The following PGK1 variants were observed in gnomAD, a reference collection of about 807,000 sequenced individuals.
The protein encoded by PGK1 is phosphoglycerate kinase 1, also known as PRP 2.
In PGK1, 3 loss-of-function variants were observed where a neutral mutation model predicts 26.9. The ratio of observed to expected loss-of-function variants is 0.11; its 90% CI spans 0.05 to 0.29. The LOEUF (loss-of-function observed/expected upper bound fraction) is 0.29. Among genes scored for constraint, PGK1 ranks in the 10% least tolerant of loss-of-function variants. PGK1 has a pLI of 1.00. For missense variants in PGK1, 270 were observed against 314.7 expected (o/e 0.86, Z 1.07); for synonymous variants, 125 against 115.3 (o/e 1.08, Z -0.54).
At position 78,126,273 on chromosome X, in the gene PGK1, A is replaced by ATT. The variant is rs375714288; in HGVS notation, c.*455_*456dup. ...AATAAAAGTGTCCATTGAAACCGTG[A>ATT]TTTTTTTTTTTTTCCTGTCATACTT... On this transcript the variant is annotated 3_prime_UTR_variant, in exon 11 of 11. Transcript: ENST00000373316. The ATT allele has an allele frequency of 4.0e-5, 5 of 124,569 alleles. No individual in the cohort carries two copies. Among genetic ancestry groups the ATT allele is most frequent in the Non-Finnish European group, 8.1e-5 (5 of 61,378 alleles). The allele number at this position is 124,569 out of a possible 1,213,427, so 10.3% of individuals were successfully genotyped here.
intron 2 of PGK1, among the ~76,000 whole-genome samples, chrX:78,111,807 T>C (rs1414503128): frequency 4.5e-5 from 5 of 112,064 alleles, no homozygotes; most frequent in Non-Finnish European, 9.4e-5. Context: ...TATCAAGTTA[T>C]TTTAAGAGTA....
At position 78,117,275 on chromosome X, in the gene PGK1, G is replaced by T. The variant is rs199689476; in HGVS notation, c.418-37G>T. ...TGAAATGCTTTTATAGTTGTCTTTGGAGCCATCACATTTTCTGTTTTTGTT... is the reference window on the plus strand; with the variant it reads ...TGAAATGCTTTTATAGTTGTCTTTGTAGCCATCACATTTTCTGTTTTTGTT... On this transcript the variant is annotated intron_variant, in intron 4 of 10. Transcript: ENST00000373316. 210 of 912,142 alleles carry T rather than the reference G, an allele frequency of 2.3e-4. 1 individual carries two copies. The highest frequency in any genetic ancestry group is 3.2e-4 in the Non-Finnish European group (202 of 623,663). 75.2% of individuals were successfully genotyped at this position (912,142 alleles called of 1,213,427 possible).
chrX:78,114,245 A>C, intron 4 of PGK1, 85 bp downstream of exon 4: 2 of 962,992 alleles, frequency 2.1e-6, no homozygotes, highest in Non-Finnish European at 3.0e-6. Context: ...AAGCTCATTT[A>C]TTTTAACTTA....
At chrX:78,106,344 A>G in intron 1 of PGK1, 1 of 696,413 alleles carries the variant, frequency 1.4e-6, no homozygotes, top group African/African-American at 2.3e-5. Context: ...GATACGTTGA[A>G]ATAGAACTTT....
Position 78,114,021 on chromosome X carries a change from T to C in PGK1, c.278T>C (p.Val93Ala), listed in dbSNP as rs782807093. 22 of 1,209,419 alleles carry C rather than the reference T, an allele frequency of 1.8e-5. No homozygotes were observed. The highest frequency in any genetic ancestry group is 2.3e-4 in the Middle Eastern group (1 of 4,283). The change falls in exon 4 of 11, where the codon GTT (valine) becomes GCT (alanine). Residue 93 changes from valine (V) to alanine (A), a missense_variant. Val to Ala is a moderately conservative substitution (Grantham distance 64). This residue lies in a region of PGK1 where 150 missense variants were observed against 154.6 expected (regional missense o/e 0.97). Coordinates refer to ENST00000373316, the MANE Select transcript of PGK1 (RefSeq NM_000291.4). Reference protein sequence around the residue: ...VELKSLLGKDVLFLKDCVGPE... With the variant: ...VELKSLLGKDALFLKDCVGPE... ...TCATCTCTTCCTCTTCTCAGGGATGTTCTGTTCTTGAAGGACTGTGTAGGC... is the reference window on the plus strand; with the variant it reads ...TCATCTCTTCCTCTTCTCAGGGATGCTCTGTTCTTGAAGGACTGTGTAGGC...
At chrX:78,123,959 T>TTACTGCG (rs2078370075) in intron 8 of PGK1, among the ~76,000 whole-genome samples, 1 of 111,712 alleles carries the variant, frequency 9.0e-6, no homozygotes, top group East Asian at 2.8e-4. Context: ...TATTAAGTAC[T>TTACTGCG]TACTGCGTAC....
intron 10 of PGK1, among the ~76,000 whole-genome samples, 166 bp from the exon 11 acceptor site, chrX:78,125,624 G>C (rs1309629887): frequency 9.0e-6 from 1 of 111,654 alleles, no homozygotes; most frequent in Non-Finnish European, 1.9e-5. Context: ...TGGTCTGAGA[G>C]TTATGGTCTA....
At chrX:78,122,409 TTGTGTGTG>T (rs201442984) in intron 6 of PGK1, among the ~76,000 whole-genome samples, 5,502 of 88,775 alleles carry the variant, frequency 0.062, 251 homozygotes, top group East Asian at 0.35. Flanking sequence ...TGCTCTGAAT[TTGTGTGTG>T]TGTGTGTGTG....
chrX:78,104,800 C>T (rs907181794), intron 1 of PGK1, among the ~76,000 whole-genome samples: 6 of 111,919 alleles, frequency 5.4e-5, no homozygotes, highest in Non-Finnish European at 9.4e-5. Flanking sequence ...TCCCTTCCCC[C>T]ACGCTCCTAG....
intron 6 of PGK1, among the ~76,000 whole-genome samples, chrX:78,122,246 A>G (rs2078358695): frequency 9.0e-6 from 1 of 111,162 alleles, no homozygotes; most frequent in Admixed American, 9.6e-5. Context: ...GCAACTGAGC[A>G]TAGGGTATGA....
chrX:78,117,794 G>T (rs1310525485), intron 5 of PGK1, among the ~76,000 whole-genome samples: 1 of 112,762 alleles, frequency 8.9e-6, no homozygotes, highest in Non-Finnish European at 1.9e-5. Context: ...TTGCCCTTTG[G>T]CCTGCCTGAA....
chrX:78,126,881 A>G lies in PGK1; in HGVS notation c.*1051A>G, dbSNP rs2078386089. ...TTCAAAAAATTTTCTGTGTATACCC[A>G]TCAGTGATTCATTCCCAAATCTTCT... On this transcript the variant is annotated 3_prime_UTR_variant, in exon 11 of 11. Transcript: ENST00000373316. The G allele has an allele frequency of 8.9e-6, 1 of 112,497 alleles. No homozygotes were observed. The highest frequency in any genetic ancestry group is 3.2e-5 in the African/African-American group (1 of 30,998). 9.3% of individuals were successfully genotyped at this position (112,497 alleles called of 1,213,427 possible). A position where few individuals can be genotyped will look rare whatever the true frequency, so the allele number is the denominator to read the frequency against.
chrX:78,114,934 T>G (rs1296456722), intron 4 of PGK1, among the ~76,000 whole-genome samples: 1 of 112,333 alleles, frequency 8.9e-6, no homozygotes, highest in Non-Finnish European at 1.9e-5. Context: ...CATTTTTTAG[T>G]ACTTTCCACT....
chrX:78,123,610 GTTT>G lies in PGK1; in HGVS notation c.936+251_936+253del, dbSNP rs200892196. On this transcript the variant is annotated intron_variant, in intron 8 of 10. Transcript: ENST00000373316. ...TGTGTTGCAAAACTTTGTTGTTGTT[GTTT>G]TTTTTTTTTTTTTTGAGACAGAGTC... Among the ~76,000 whole-genome samples, 99 of 99,204 alleles carry G rather than the reference GTTT, an allele frequency of 1.0e-3. 1 individual carries two copies. The highest frequency in any genetic ancestry group is 1.6e-3 in the Non-Finnish European group (77 of 48,158). The allele number at this position is 99,204 out of a possible 115,157, so 86.1% of individuals were successfully genotyped here.
At chrX:78,105,098 C>T (rs1254207082) in intron 1 of PGK1, among the ~76,000 whole-genome samples, 2 of 112,360 alleles carry the variant, frequency 1.8e-5, no homozygotes, top group African/African-American at 3.2e-5. Flanking sequence ...GCTGCTCATA[C>T]TTGCTGGCCT....
At chrX:78,117,492 T>C (rs1012384826) in intron 5 of PGK1, 77 bp downstream of exon 5, 31 of 659,653 alleles carry the variant, frequency 4.7e-5, no homozygotes, top group Non-Finnish European at 7.2e-5. Flanking sequence ...CTGGGTTGTT[T>C]TTGGAGAGTT....
chrX:78,125,681 A>G (rs1569550920), intron 10 of PGK1, 109 bp from the exon 11 acceptor site: 1 of 738,056 alleles, frequency 1.4e-6, no homozygotes, highest in East Asian at 3.2e-5. Context: ...TCCTGGCCAT[A>G]TATCCTAAAA....
chrX:78,104,332 A>G lies in PGK1; in HGVS notation c.-9A>G, dbSNP rs375219335. 6 of 1,192,564 alleles carry G rather than the reference A, an allele frequency of 5.0e-6. No individual in the cohort carries two copies. Among genetic ancestry groups the G allele is most frequent in the Non-Finnish European group, 6.8e-6 (6 of 878,168 alleles). On this transcript the variant is annotated 5_prime_UTR_variant, in exon 1 of 11. Coordinates refer to ENST00000373316, the MANE Select transcript of PGK1 (RefSeq NM_000291.4). ...ATCACCGACCTCTCTCCCCAGCTGT[A>G]TTTCCAAAATGTCGCTTTCTAACAA... is the stretch of plus-strand genomic sequence containing the variant.
chrX:78,115,896 G>A (rs914996270), intron 4 of PGK1, among the ~76,000 whole-genome samples: 2 of 111,125 alleles, frequency 1.8e-5, no homozygotes, highest in African/African-American at 6.6e-5. Flanking sequence ...GTTGCCCATG[G>A]TGGAGTGCAG....
Sources: allele counts gnomAD v4.1 joint callset (sites outside exome capture counted in the v4.1 genomes callset), GRCh38; gene constraint gnomAD v4.1.1; regional missense constraint gnomAD v4.1.1; transcripts MANE v1.5; gene names NCBI Gene and HGNC (gene_info 2026-07-23, HGNC 2026-07-21).